The following SGCD variants were observed in gnomAD, a reference collection of about 807,000 sequenced individuals.
SGCD encodes sarcoglycan delta.
In SGCD, 18 loss-of-function variants were observed where a neutral mutation model predicts 36.6. The observed-to-expected ratio is 0.49, with a 90% CI of 0.34 to 0.73. SGCD has a LOEUF of 0.73. SGCD is among the 30% of genes least tolerant of loss of function. SGCD has a pLI of 0.01. For missense variants in SGCD, 387 were observed against 346.7 expected, an observed-to-expected ratio of 1.12 and a Z score of -0.92; for synonymous variants, 133 against 130.6, an observed-to-expected ratio of 1.02 and a Z score of -0.12.
intron 6 of SGCD, among the ~76,000 whole-genome samples, chr5:156,629,422 G>GA (rs1266928843): frequency 6.6e-6 from 1 of 152,080 alleles, no homozygotes; most frequent in Non-Finnish European, 1.5e-5. Context: ...GAGGGCAATG[G>GA]AAAAAAATCC....
chr5:156,269,505 A>AC lies in SGCD; in HGVS notation c.-43-60029_-43-60028insC, dbSNP rs1561593268. Reference sequence around the variant, plus strand: ...AAAAAAAAAAAAAAAAAAAAAAAAAAAAAAACCATCAGATCTCATGAAACT... The same window carrying AC: ...AAAAAAAAAAAAAAAAAAAAAAAAAACAAAAACCATCAGATCTCATGAAACT... On this transcript the variant is annotated intron_variant, in intron 3 of 9. Transcript: ENST00000517913. Among the ~76,000 whole-genome samples the AC allele has an allele frequency of 7.4e-3, 640 of 86,188 alleles. 73 individuals are homozygous for AC. The highest frequency in any genetic ancestry group is 0.031 in the African/African-American group (608 of 19,372). The allele number at this position is 86,188 out of a possible 152,430, so 56.5% of individuals were successfully genotyped here.
At chr5:156,601,450 G>A (rs1279207635) in intron 6 of SGCD, among the ~76,000 whole-genome samples, 2 of 152,146 alleles carry the variant, frequency 1.3e-5, no homozygotes, top group Non-Finnish European at 1.5e-5. Context: ...CTGTAGGTGA[G>A]TGAATTTATT....
At chr5:156,592,369 C>T (rs157291) in intron 5 of SGCD, among the ~76,000 whole-genome samples, 48,355 of 151,970 alleles carry the variant, frequency 0.32, 8,589 homozygotes, top group African/African-American at 0.49. Flanking sequence ...CCCTAAAGCA[C>T]TGACAATATA....
chr5:156,003,281 G>A (rs1342253627), intron 1 of SGCD, among the ~76,000 whole-genome samples: 2 of 152,140 alleles, frequency 1.3e-5, no homozygotes, highest in African/African-American at 4.8e-5. Context: ...CTCTCTACTG[G>A]TTCATCACTT....
the SGCD span, among the ~76,000 whole-genome samples, chr5:155,764,486 C>G: frequency 8.0e-4 from 122 of 152,284 alleles, no homozygotes; most frequent in African/African-American, 2.8e-3. Flanking sequence ...CAGATCTGCT[C>G]TGCATTTGTT....
intron 1 of SGCD, among the ~76,000 whole-genome samples, chr5:156,109,115 C>T (rs1761721594): frequency 6.6e-6 from 1 of 152,078 alleles, no homozygotes; most frequent in Admixed American, 6.6e-5. Flanking sequence ...TCATGAAATT[C>T]CTGAAAATTT....
At chr5:156,590,845 C>T (rs1760697684) in intron 5 of SGCD, among the ~76,000 whole-genome samples, 1 of 151,294 alleles carries the variant, frequency 6.6e-6, no homozygotes, top group Non-Finnish European at 1.5e-5. Flanking sequence ...CTCTCTCCTA[C>T]CACCCCTTTA....
chr5:155,756,819 A>G, the SGCD span, among the ~76,000 whole-genome samples: 1 of 152,210 alleles, frequency 6.6e-6, no homozygotes, highest in Non-Finnish European at 1.5e-5. Flanking sequence ...TGAGTCTGAA[A>G]GCTCACATTG....
At chr5:156,012,888 G>A (rs913135651) in intron 1 of SGCD, among the ~76,000 whole-genome samples, 5 of 151,348 alleles carry the variant, frequency 3.3e-5, no homozygotes, top group African/African-American at 1.2e-4. Flanking sequence ...TTACAGGCGT[G>A]AGCCACCGCG....
the SGCD span, among the ~76,000 whole-genome samples, chr5:155,790,968 A>C: frequency 6.6e-6 from 1 of 152,130 alleles, no homozygotes; most frequent in Non-Finnish European, 1.5e-5. Flanking sequence ...ACAAAAATAG[A>C]ATAAGGGTTC....
chr5:156,613,943 T>A (rs1463314032), intron 6 of SGCD, among the ~76,000 whole-genome samples: 1 of 151,970 alleles, frequency 6.6e-6, no homozygotes, highest in East Asian at 1.9e-4. Context: ...GGGTACAGGC[T>A]GGCTGGCTTC....
At chr5:155,842,410 TAAAAATACA>T in the SGCD span, among the ~76,000 whole-genome samples, 3 of 151,902 alleles carry the variant, frequency 2.0e-5, no homozygotes, top group African/African-American at 7.3e-5. Context: ...CTGTCTCTAC[TAAAAATACA>T]AAAATTATCT....
intron 3 of SGCD, among the ~76,000 whole-genome samples, chr5:156,163,859 A>C (rs2127619258): frequency 6.6e-6 from 1 of 150,694 alleles, no homozygotes; most frequent in South Asian, 2.1e-4. Context: ...TCTCTACTAA[A>C]AAAAATACAA....
chr5:156,691,787 G>A (rs1029150879), intron 7 of SGCD, among the ~76,000 whole-genome samples: 2 of 152,166 alleles, frequency 1.3e-5, no homozygotes, highest in Non-Finnish European at 1.5e-5. Context: ...CCCAGCAACC[G>A]AATTAGCATG....
intron 3 of SGCD, among the ~76,000 whole-genome samples, chr5:156,485,186 A>T (rs1274304071): frequency 6.6e-6 from 1 of 152,076 alleles, no homozygotes; most frequent in Non-Finnish European, 1.5e-5. Flanking sequence ...TATTCTATGC[A>T]CTCATTTTGT....
chr5:156,074,011 A>G (rs1760685020), intron 1 of SGCD, among the ~76,000 whole-genome samples: 1 of 152,234 alleles, frequency 6.6e-6, no homozygotes, highest in Non-Finnish European at 1.5e-5. Flanking sequence ...AAATGAGTAG[A>G]AGTAGAGAGG....
the SGCD span, among the ~76,000 whole-genome samples, chr5:155,825,997 G>A: frequency 2.5e-3 from 383 of 152,250 alleles, 3 homozygotes; most frequent in African/African-American, 8.5e-3. Flanking sequence ...TGATCCACCC[G>A]CCTTGGTCTC....
chr5:156,311,120 T>G (rs919323792), intron 3 of SGCD, among the ~76,000 whole-genome samples: 1 of 152,238 alleles, frequency 6.6e-6, no homozygotes, highest in African/African-American at 2.4e-5. Context: ...AAAAAATGTT[T>G]TGTATAAAGT....
intron 7 of SGCD, among the ~76,000 whole-genome samples, chr5:156,709,838 C>T (rs950441993): frequency 6.6e-6 from 1 of 151,578 alleles, no homozygotes; most frequent in African/African-American, 2.4e-5. Context: ...CCCCCTCCCC[C>T]CCGACGCCGC....
Sources: gnomAD v4.1 joint callset for allele counts (sites outside exome capture counted in the v4.1 genomes callset) on GRCh38, gnomAD v4.1.1 for gene constraint, MANE v1.5 for transcripts, NCBI Gene and HGNC (gene_info 2026-07-23, HGNC 2026-07-21) for gene names.